Variants in LRMDA observed in about 807,000 individuals in gnomAD.
LRMDA encodes the protein leucine rich melanocyte differentiation associated, also known as leucine-rich melanocyte differentiation-associated protein.
Under a neutral mutation model 29.8 loss-of-function variants are expected in LRMDA, and 18 were observed. The ratio of observed to expected loss-of-function variants is 0.60; its 90% CI spans 0.42 to 0.90. LRMDA has a LOEUF of 0.90. Among genes scored for constraint, LRMDA ranks in the 40% least tolerant of loss-of-function variants. LRMDA has a pLI of 0.00. For missense variants in LRMDA, 273 were observed against 273.9 expected (o/e 1.00, Z 0.02); for synonymous variants, 125 against 109.4 (o/e 1.14, Z -0.89).
At chr10:75,978,249 G>A (rs765366817) in intron 2 of LRMDA, among the ~76,000 whole-genome samples, 11 of 152,192 alleles carry the variant, frequency 7.2e-5, no homozygotes, top group Non-Finnish European at 1.3e-4. Flanking sequence ...TGGAAGTATT[G>A]CAGGGCTGGT....
intron 6 of LRMDA, chr10:76,402,202 A>C (rs1307922415): frequency 6.6e-6 from 1 of 152,214 alleles, no homozygotes; most frequent in Non-Finnish European, 1.5e-5. Context: ...AGGCAGAATA[A>C]TGTGCTAGGT....
chr10:75,577,847 T>C (rs1840527277), intron 2 of LRMDA, among the ~76,000 whole-genome samples: 1 of 152,122 alleles, frequency 6.6e-6, no homozygotes, highest in African/African-American at 2.4e-5. Flanking sequence ...CTGAGAGATT[T>C]TGTTACCACT....
At chr10:76,381,696 C>T (rs1841594719) in intron 6 of LRMDA, among the ~76,000 whole-genome samples, 2 of 152,274 alleles carry the variant, frequency 1.3e-5, no homozygotes, top group South Asian at 4.2e-4. Context: ...TACTTCAAAG[C>T]CCCTTGAAAA....
chr10:76,090,101 G>A (rs1849205875), intron 5 of LRMDA, among the ~76,000 whole-genome samples: 1 of 152,124 alleles, frequency 6.6e-6, no homozygotes, highest in Non-Finnish European at 1.5e-5. Flanking sequence ...AGATACCTGC[G>A]GAAAGTGGAG....
chr10:75,665,430 A>G (rs1047782039), intron 2 of LRMDA, among the ~76,000 whole-genome samples: 1 of 152,188 alleles, frequency 6.6e-6, no homozygotes, highest in Non-Finnish European at 1.5e-5. Context: ...TTGCCTCCAA[A>G]TATCAATTGA....
intron 2 of LRMDA, among the ~76,000 whole-genome samples, chr10:75,629,085 C>T (rs761388151): frequency 6.6e-6 from 1 of 152,210 alleles, no homozygotes; most frequent in Non-Finnish European, 1.5e-5. Flanking sequence ...CCTTTTGCCT[C>T]TCTTCTTGCT....
At chr10:76,422,306 C>A (rs974069809) in intron 6 of LRMDA, among the ~76,000 whole-genome samples, 2 of 152,104 alleles carry the variant, frequency 1.3e-5, no homozygotes, top group Non-Finnish European at 2.9e-5. Context: ...CTCAGGTCGT[C>A]ACTGCCTTAG....
At chr10:75,939,821 G>A (rs1034016192) in intron 2 of LRMDA, among the ~76,000 whole-genome samples, 1 of 152,104 alleles carries the variant, frequency 6.6e-6, no homozygotes, top group Non-Finnish European at 1.5e-5. Flanking sequence ...CATCAACCTT[G>A]TGCACACTGC....
At chr10:75,486,394 A>G (rs1844913412) in intron 2 of LRMDA, among the ~76,000 whole-genome samples, 1 of 152,162 alleles carries the variant, frequency 6.6e-6, no homozygotes, top group African/African-American at 2.4e-5. Context: ...AACATGGCCC[A>G]GTGCTTACAG....
At chr10:76,279,215 C>T (rs969608279) in intron 5 of LRMDA, among the ~76,000 whole-genome samples, 1 of 152,154 alleles carries the variant, frequency 6.6e-6, no homozygotes, top group African/African-American at 2.4e-5. Context: ...CCAATTATAG[C>T]TGTATGACCT....
intron 6 of LRMDA, among the ~76,000 whole-genome samples, chr10:76,516,696 T>C (rs1052259558): frequency 2.0e-5 from 3 of 152,252 alleles, no homozygotes; most frequent in Admixed American, 2.0e-4. Flanking sequence ...GGCTGCATAG[T>C]ATTCTATGGT....
At chr10:75,675,340 A>G (rs1841946601) in intron 2 of LRMDA, among the ~76,000 whole-genome samples, 1 of 152,198 alleles carries the variant, frequency 6.6e-6, no homozygotes, top group South Asian at 2.1e-4. Flanking sequence ...TTTTCTTCAA[A>G]AGTCCTTTCC....
intron 6 of LRMDA, among the ~76,000 whole-genome samples, chr10:76,333,819 T>G (rs145344361): frequency 5.6e-4 from 85 of 152,236 alleles, no homozygotes; most frequent in Middle Eastern, 6.8e-3. Context: ...ATGAGAAACA[T>G]TCTGTTGCAA....
chr10:75,686,238 G>T (rs749484120), intron 2 of LRMDA, among the ~76,000 whole-genome samples: 4 of 152,168 alleles, frequency 2.6e-5, no homozygotes, highest in Non-Finnish European at 4.4e-5. Flanking sequence ...TTAGAGATGT[G>T]ATCATGTGAG....
chr10:76,129,786 T>G (rs1442393518), intron 5 of LRMDA, among the ~76,000 whole-genome samples: 1 of 152,132 alleles, frequency 6.6e-6, no homozygotes, highest in Non-Finnish European at 1.5e-5. Flanking sequence ...TCCACTGCCA[T>G]GCCTTCCAAT....
intron 5 of LRMDA, among the ~76,000 whole-genome samples, chr10:76,065,642 T>C (rs921437992): frequency 2.6e-5 from 4 of 152,258 alleles, no homozygotes; most frequent in African/African-American, 9.6e-5. Flanking sequence ...GGGGATAAGA[T>C]GAGTAACTCT....
intron 2 of LRMDA, among the ~76,000 whole-genome samples, chr10:75,647,266 C>T (rs1841534341): frequency 6.6e-6 from 1 of 151,946 alleles, no homozygotes; most frequent in South Asian, 2.1e-4. Context: ...TTTTTAAAAC[C>T]CTAAAGACTT....
intron 6 of LRMDA, among the ~76,000 whole-genome samples, chr10:76,530,945 A>G (rs979036845): frequency 5.9e-5 from 9 of 152,200 alleles, no homozygotes; most frequent in Non-Finnish European, 1.2e-4. Context: ...ATGCTGATGT[A>G]GAAGATAATT....
At position 76,064,076 on chromosome 10, in the gene LRMDA, G is replaced by A. The variant is rs11001603; in HGVS notation, c.516+5293G>A. Among the ~76,000 whole-genome samples the A allele has an allele frequency of 2.5e-3, 379 of 152,292 alleles. 1 individual carries two copies. Among genetic ancestry groups the A allele is most frequent in the Non-Finnish European group, 3.8e-3 (257 of 68,022 alleles). ...TTGGAAGATCCATCATGAAAAGGTT[G>A]TTGTATGTGTTCTAATTACTTCAGT... On this transcript the variant is annotated intron_variant, in intron 5 of 6. Coordinates refer to ENST00000611255, the MANE Select transcript of LRMDA (RefSeq NM_001305581.2).
Sources: gnomAD v4.1 joint callset for allele counts (sites outside exome capture counted in the v4.1 genomes callset) on GRCh38, gnomAD v4.1.1 for gene constraint, MANE v1.5 for transcripts, NCBI Gene and HGNC (gene_info 2026-07-23, HGNC 2026-07-21) for gene names.